VPS13B: variants seen among roughly 807,000 people sequenced by gnomAD.
VPS13B encodes the protein vacuolar protein sorting 13 homolog B, also known as intermembrane lipid transfer protein VPS13B.
A neutral mutation model predicts 426.4 loss-of-function variants in VPS13B; 285 were observed. The ratio of observed to expected loss-of-function variants is 0.67; its 90% CI spans 0.61 to 0.74. The LOEUF is 0.74. Among genes scored for constraint, VPS13B ranks in the 30% least tolerant of loss-of-function variants. The probability of loss-of-function intolerance (pLI) is 0.00; values close to 1 mark genes in which losing one functional copy is unlikely to be tolerated. For synonymous variants in VPS13B, 1,676 were observed against 1,676.4 expected (o/e 1.00, Z 0.01); for missense variants, 4,537 against 4,782.6 (o/e 0.95, Z 1.51).
chr8:99,194,455 A>ACT (rs939232467), intron 17 of VPS13B, among the ~76,000 whole-genome samples: 2 of 151,968 alleles, frequency 1.3e-5, no homozygotes, highest in Non-Finnish European at 2.9e-5. Flanking sequence ...CCACCGTTCT[A>ACT]CTCTAACTAC....
chr8:99,570,913 A>G (rs1028921464), intron 31 of VPS13B, among the ~76,000 whole-genome samples: 5 of 152,176 alleles, frequency 3.3e-5, no homozygotes, highest in Admixed American at 6.5e-5. Flanking sequence ...CCCAGGTAAT[A>G]TAAGTTAGAG....
chr8:99,479,795 A>G (rs902764313), intron 24 of VPS13B, among the ~76,000 whole-genome samples: 1 of 152,142 alleles, frequency 6.6e-6, no homozygotes. Flanking sequence ...TTTGTTAACT[A>G]CCTGTCAATG....
At chr8:99,164,200 G>A (rs946423910) in intron 15 of VPS13B, among the ~76,000 whole-genome samples, 7 of 152,206 alleles carry the variant, frequency 4.6e-5, no homozygotes, top group East Asian at 1.9e-4. Context: ...TGATGGTCTC[G>A]ATTCTAGAGG....
chr8:99,140,667 C>A (rs1206568577), intron 12 of VPS13B, among the ~76,000 whole-genome samples: 191 of 137,928 alleles, frequency 1.4e-3, no homozygotes, highest in African/African-American at 5.1e-3. Flanking sequence ...CCCTCCTCCC[C>A]GTCCTTCTCC....
chr8:99,460,744 T>A (rs77987352), intron 23 of VPS13B, among the ~76,000 whole-genome samples: 1 of 152,190 alleles, frequency 6.6e-6, no homozygotes, highest in East Asian at 1.9e-4. Flanking sequence ...GTTTTTTTTT[T>A]CTTCCTTGGT....
chr8:99,229,110 T>C (rs1211407602), intron 17 of VPS13B, among the ~76,000 whole-genome samples: 1 of 152,180 alleles, frequency 6.6e-6, no homozygotes, highest in Non-Finnish European at 1.5e-5. Flanking sequence ...GAATTAGGAC[T>C]GCAAACTGCG....
At chr8:99,660,394 A>C (rs1330437555) in intron 34 of VPS13B, among the ~76,000 whole-genome samples, 3 of 152,188 alleles carry the variant, frequency 2.0e-5, no homozygotes, top group Non-Finnish European at 4.4e-5. Context: ...TAAAATAAAT[A>C]ATACTTTAAT....
chr8:99,772,250 G>A (rs1811538256), intron 40 of VPS13B, among the ~76,000 whole-genome samples: 1 of 150,444 alleles, frequency 6.6e-6, no homozygotes, highest in Non-Finnish European at 1.5e-5. Context: ...TGTTTTACCT[G>A]AAGGCTCATT....
At chr8:99,270,404 G>T (rs1180250292) in intron 17 of VPS13B, among the ~76,000 whole-genome samples, 1 of 151,714 alleles carries the variant, frequency 6.6e-6, no homozygotes, top group African/African-American at 2.4e-5. Context: ...CTCCCAAAGT[G>T]TTGGGATTAC....
At chr8:99,530,613 CAA>C (rs1196820876) in intron 30 of VPS13B, among the ~76,000 whole-genome samples, 20 of 85,976 alleles carry the variant, frequency 2.3e-4, no homozygotes, top group East Asian at 3.2e-4. Flanking sequence ...GACTCTGTCT[CAA>C]AAAAAAAAAA....
intron 54 of VPS13B, among the ~76,000 whole-genome samples, chr8:99,846,862 G>GCATCC (rs1816011491): frequency 6.6e-6 from 1 of 152,084 alleles, no homozygotes; most frequent in African/African-American, 2.4e-5. Context: ...TTCTCTATTC[G>GCATCC]CATCCCCTCC....
chr8:99,560,834 T>A (rs988892186), intron 31 of VPS13B, among the ~76,000 whole-genome samples: 2 of 152,226 alleles, frequency 1.3e-5, no homozygotes, highest in Admixed American at 6.5e-5. Flanking sequence ...TTTTCAGATT[T>A]AGGAGGTGCC....
At chr8:99,562,140 T>C (rs1824956671) in intron 31 of VPS13B, among the ~76,000 whole-genome samples, 1 of 152,206 alleles carries the variant, frequency 6.6e-6, no homozygotes, top group Non-Finnish European at 1.5e-5. Flanking sequence ...ATCATCCTAC[T>C]GGGTGTGAGG....
chr8:99,376,823 A>C (rs959065818), intron 19 of VPS13B, among the ~76,000 whole-genome samples: 1 of 152,020 alleles, frequency 6.6e-6, no homozygotes, highest in Non-Finnish European at 1.5e-5. Flanking sequence ...TTTTCATCAT[A>C]ATTAAAAAAT....
At chr8:99,851,086 A>G (rs528014218) in intron 55 of VPS13B, among the ~76,000 whole-genome samples, 3 of 152,378 alleles carry the variant, frequency 2.0e-5, no homozygotes, top group African/African-American at 4.8e-5. Context: ...AAAAATTAAT[A>G]GCATAACAAA....
chr8:99,084,872 G>A (rs1377493563), intron 3 of VPS13B, among the ~76,000 whole-genome samples: 2 of 152,052 alleles, frequency 1.3e-5, no homozygotes, highest in African/African-American at 4.8e-5. Context: ...CTTTACTTCC[G>A]ACTATGTGAT....
chr8:99,475,543 G>A (rs1819646581), intron 24 of VPS13B, among the ~76,000 whole-genome samples: 1 of 152,148 alleles, frequency 6.6e-6, no homozygotes, highest in South Asian at 2.1e-4. Flanking sequence ...ATACTTAATA[G>A]TTTTGTGATT....
intron 3 of VPS13B, among the ~76,000 whole-genome samples, chr8:99,053,546 G>C (rs1843675513): frequency 6.6e-6 from 1 of 151,772 alleles, no homozygotes; most frequent in Admixed American, 6.6e-5. Context: ...ATGATTTTGA[G>C]TATTCTAAGT....
rs147375302 is a variant in VPS13B at position 99,242,400 on chromosome 8, C to G, written c.2516-31798C>G. ...AAATTAAGAATTTTTAGACATTGCTCAACAAGAACTGTTTATCAGAATGGT... is the reference window on the plus strand; with the variant it reads ...AAATTAAGAATTTTTAGACATTGCTGAACAAGAACTGTTTATCAGAATGGT... On this transcript the variant is annotated intron_variant, in intron 17 of 61. Coordinates refer to ENST00000357162, the MANE Select transcript of VPS13B (RefSeq NM_152564.5). 8.5e-5 allele frequency among the ~76,000 whole-genome samples: 13 copies of G among 152,258 alleles called. No homozygotes were observed. In the East Asian group the frequency reaches 2.5e-3, roughly 29 times the overall value.
Sources: allele counts gnomAD v4.1 joint callset (sites outside exome capture counted in the v4.1 genomes callset), GRCh38; gene constraint gnomAD v4.1.1; transcripts MANE v1.5; gene names NCBI Gene and HGNC (gene_info 2026-07-23, HGNC 2026-07-21).